The following KCNH8 variants were observed in gnomAD, a reference collection of about 807,000 sequenced individuals.
KCNH8 encodes the protein potassium voltage-gated channel subfamily H member 8.
KCNH8 carries 70 observed loss-of-function variants against 103.6 expected under a neutral mutation model. The observed-to-expected ratio is 0.68, with a 90% CI of 0.56 to 0.82. KCNH8 has a LOEUF of 0.82. KCNH8 is among the 40% of genes least tolerant of loss of function. KCNH8 has a pLI of 0.00. For missense variants in KCNH8, 1,217 were observed against 1,329.9 expected, an observed-to-expected ratio of 0.92 and a Z score of 1.32; for synonymous variants, 498 against 489.4, an observed-to-expected ratio of 1.02 and a Z score of -0.23.
At chr3:19,362,536 T>C (rs1393062858) in intron 5 of KCNH8, among the ~76,000 whole-genome samples, 3 of 152,188 alleles carry the variant, frequency 2.0e-5, no homozygotes, top group Non-Finnish European at 4.4e-5. Context: ...TCAGGGAAAC[T>C]TTCCTGCACC....
chr3:19,425,383 A>G (rs1259515211), intron 7 of KCNH8, among the ~76,000 whole-genome samples: 1 of 152,184 alleles, frequency 6.6e-6, no homozygotes, highest in African/African-American at 2.4e-5. Context: ...TTACACTTGT[A>G]TTAGAGTTTC....
chr3:19,490,019 G>A (rs1435686943), intron 11 of KCNH8, among the ~76,000 whole-genome samples: 2 of 152,192 alleles, frequency 1.3e-5, no homozygotes, highest in Non-Finnish European at 2.9e-5. Context: ...TTCAGCCACT[G>A]CACTGATCAT....
intron 1 of KCNH8, among the ~76,000 whole-genome samples, chr3:19,159,138 C>T (rs549665574): frequency 5.3e-5 from 8 of 151,540 alleles, no homozygotes; most frequent in Non-Finnish European, 1.0e-4. Context: ...TATTATCTAT[C>T]GAGACTATTC....
At chr3:19,507,461 T>C (rs955221071) in intron 11 of KCNH8, among the ~76,000 whole-genome samples, 1 of 151,968 alleles carries the variant, frequency 6.6e-6, no homozygotes, top group Non-Finnish European at 1.5e-5. Context: ...CTCCTTATGG[T>C]GTGTAGTGTG....
Position 19,395,142 on chromosome 3 carries a change from GC to G in KCNH8, c.1009del (p.Arg337ValfsTer9), listed in dbSNP as rs779087039. The G allele has an allele frequency of 6.2e-7, 1 of 1,611,414 alleles. No homozygotes were observed. On this transcript the variant is annotated frameshift_variant, in exon 7 of 16. Transcript: ENST00000328405. LOFTEE classifies it high-confidence loss of function. ...VHLLKTVRLL[R>X]LLRLLQKLDR... The stretch of plus-strand genomic sequence containing the variant: ...ATCTTCTAAAGACAGTGCGCCTCTT[GC>G]GTCTTTTGCGTCTGCTGCAGAAGTT...
chr3:19,155,216 C>T (rs573763014), intron 1 of KCNH8, among the ~76,000 whole-genome samples: 7 of 152,258 alleles, frequency 4.6e-5, no homozygotes, highest in African/African-American at 9.6e-5. Context: ...ATTGGCATCA[C>T]GACCCATCCA....
rs763180548 is a variant in KCNH8, at chr3:19,533,961, C to T, written c.3186C>T (p.Ser1062=). The change falls in exon 16 of 16, where the codon TCC becomes TCT. Residue 1062 remains serine, a synonymous_variant. Coordinates refer to ENST00000328405, the MANE Select transcript of KCNH8 (RefSeq NM_144633.3). ...GCTTCAGTCAGGGAACTGTGAGTTC[C>T]TTCAGTCTGGAAAACTTACCAGGAT... The part of the protein sequence containing the change: ...EGSFSQGTVS[S]FSLENLPGSW... 33 of 1,614,156 alleles carry T rather than the reference C, an allele frequency of 2.0e-5. No individual in the cohort carries two copies. The South Asian group carries it at 3.2e-4, about 16-fold the overall frequency.
In KCNH8 at chr3:19,314,760, A is replaced by T. The variant is rs549436646; in HGVS notation, c.443-27827A>T. 5.8e-5 allele frequency: 9 copies of T among 154,326 alleles called. No individual in the cohort carries two copies. In the East Asian group the frequency reaches 1.7e-3, roughly 30 times the overall value. The allele number at this position is 154,326 out of a possible 1,614,324, so 9.6% of individuals were successfully genotyped here. ...TGACAGATACTTGATCTAGGCAATT[A>T]ATAAGTGATTTCTCCTTCAATCCTC... On this transcript the variant is annotated intron_variant, in intron 3 of 15. Transcript: ENST00000328405.
chr3:19,521,557 C>A (rs557931870), intron 15 of KCNH8, among the ~76,000 whole-genome samples: 1 of 151,760 alleles, frequency 6.6e-6, no homozygotes, highest in Non-Finnish European at 1.5e-5. Context: ...CCTAACAGTG[C>A]CCAGTAGAGT....
At chr3:19,176,056 G>A (rs1241696957) in intron 1 of KCNH8, among the ~76,000 whole-genome samples, 1 of 152,140 alleles carries the variant, frequency 6.6e-6, no homozygotes, top group Non-Finnish European at 1.5e-5. Context: ...TGCCAGTACT[G>A]TCTCTAGACT....
At chr3:19,413,337 T>G (rs928159889) in intron 7 of KCNH8, among the ~76,000 whole-genome samples, 1 of 151,762 alleles carries the variant, frequency 6.6e-6, no homozygotes, top group Non-Finnish European at 1.5e-5. Flanking sequence ...CAGGTGCTCA[T>G]GGACATAAAT....
intron 3 of KCNH8, among the ~76,000 whole-genome samples, chr3:19,309,211 G>C (rs577153065): frequency 3.3e-5 from 5 of 151,924 alleles, no homozygotes; most frequent in African/African-American, 9.7e-5. Context: ...CCAACAGCAA[G>C]TGCTGCCATT....
intron 7 of KCNH8, among the ~76,000 whole-genome samples, chr3:19,412,103 G>A (rs781066138): frequency 8.6e-5 from 13 of 151,832 alleles, no homozygotes; most frequent in Non-Finnish European, 1.3e-4. Context: ...TAAGCAAAAA[G>A]AACAAAGCTG....
At chr3:19,215,269 T>C (rs1190192348) in intron 1 of KCNH8, among the ~76,000 whole-genome samples, 1 of 152,236 alleles carries the variant, frequency 6.6e-6, no homozygotes. Flanking sequence ...CTTGAATGCC[T>C]TTTAGGTAAA....
intron 3 of KCNH8, among the ~76,000 whole-genome samples, chr3:19,329,514 GT>G (rs35430146): frequency 6.6e-6 from 1 of 151,750 alleles, no homozygotes; most frequent in Admixed American, 6.6e-5. Flanking sequence ...ATTTTTCTAG[GT>G]TTTTTTCCTT....
At position 19,533,541 on chromosome 3, in the gene KCNH8, A is replaced by G. The variant is rs763651250; in HGVS notation, c.2766A>G (p.Leu922=). The G allele has an allele frequency of 1.2e-6, 2 of 1,614,202 alleles. No homozygotes were observed. Among genetic ancestry groups the G allele is most frequent in the Admixed American group, 3.3e-5 (2 of 60,030 alleles). ...STSVCPSRES[L]QTRTSWSAHQ... is the part of the protein sequence containing the mutation. ...CTGTGTGTCCCTCCAGGGAGAGCTT[A>G]CAGACCAGAACGAGCTGGAGTGCAC... The change falls in exon 16 of 16, where the codon TTA becomes TTG. Residue 922 remains leucine, a synonymous_variant. Coordinates refer to ENST00000328405, the MANE Select transcript of KCNH8 (RefSeq NM_144633.3).
intron 1 of KCNH8, among the ~76,000 whole-genome samples, chr3:19,203,818 G>A (rs2063686858): frequency 6.6e-6 from 1 of 151,866 alleles, no homozygotes; most frequent in African/African-American, 2.4e-5. Context: ...AAATATTTTA[G>A]CATTCTTAAA....
In KCNH8 at chr3:19,460,651, C is replaced by T. The variant is rs563229510; in HGVS notation, c.2040+3669C>T. Among the ~76,000 whole-genome samples, 5 of 152,252 alleles carry T rather than the reference C, an allele frequency of 3.3e-5. No individual in the cohort carries two copies. The East Asian group carries it at 5.8e-4, about 18-fold the overall frequency. On this transcript the variant is annotated intron_variant, in intron 11 of 15. Transcript: ENST00000328405. ...TGCACTTCTCTTTTCTTAGGGATCA[C>T]GTCCTTCAAGTCTTAAAGTTGATTT...
At chr3:19,464,883 T>C (rs930944755) in intron 11 of KCNH8, among the ~76,000 whole-genome samples, 5 of 152,088 alleles carry the variant, frequency 3.3e-5, no homozygotes, top group Admixed American at 2.6e-4. Flanking sequence ...CTATTGCTCA[T>C]AGTAAAATAA....
Sources: gnomAD v4.1 joint callset for allele counts (sites outside exome capture counted in the v4.1 genomes callset) on GRCh38, gnomAD v4.1.1 for gene constraint, MANE v1.5 for transcripts, NCBI Gene and HGNC (gene_info 2026-07-23, HGNC 2026-07-21) for gene names.